Variants in RNF111 observed in about 807,000 individuals in gnomAD.
The protein encoded by RNF111 is E3 ubiquitin-protein ligase Arkadia.
RNF111 carries 17 observed loss-of-function variants against 95.1 expected under a neutral mutation model. The observed-to-expected ratio is 0.18, with a 90% CI of 0.12 to 0.27. RNF111 has a LOEUF of 0.27. Among genes scored for constraint, RNF111 ranks in the 10% least tolerant of loss-of-function variants. The pLI is 1.00. For synonymous variants in RNF111, 440 were observed against 414.8 expected (o/e 1.06, Z -0.74); for missense variants, 1,189 against 1,210.4 (o/e 0.98, Z 0.26).
rs779120974 is a variant in RNF111, at chr15:59,031,139, A to G, written c.317A>G (p.Gln106Arg). The G allele has an allele frequency of 6.2e-7, 1 of 1,614,178 alleles. No homozygotes were observed. The highest frequency in any genetic ancestry group is 8.5e-7 in the Non-Finnish European group (1 of 1,180,016). Residue 106 changes from glutamine (Q) to arginine (R), a missense_variant, in exon 2 of 14, where the codon CAG (glutamine) becomes CGG (arginine). Gln to Arg is a conservative substitution (Grantham distance 43). Around this residue, in one of 2 missense-constraint regions of RNF111, gnomAD observed 1,024 missense variants for 925.9 expected, o/e 1.11. Transcript: ENST00000348370. ...KSQQAGPSYV[Q>R]NCVKENQGIL... ...CAGCAGGCTGGCCCTTCGTATGTGC[A>G]GAATTGTGTTAAAGAAAACCAGGGA...
At chr15:59,000,940 G>T (rs2039299355) in intron 1 of RNF111, among the ~76,000 whole-genome samples, 1 of 152,108 alleles carries the variant, frequency 6.6e-6, no homozygotes, top group Admixed American at 6.6e-5. Context: ...AGTTGTAGAT[G>T]GTCATTGTGG....
At chr15:59,068,471 T>G (rs2042764592) in intron 6 of RNF111, among the ~76,000 whole-genome samples, 1 of 151,884 alleles carries the variant, frequency 6.6e-6, no homozygotes, top group Non-Finnish European at 1.5e-5. Flanking sequence ...CTGGGTGTGA[T>G]GGTGTGTGCC....
chr15:59,059,283 G>A (rs2042333203), intron 5 of RNF111, among the ~76,000 whole-genome samples: 1 of 152,188 alleles, frequency 6.6e-6, no homozygotes, highest in African/African-American at 2.4e-5. Flanking sequence ...TTAGGGAAAT[G>A]CAAATGAAAA....
chr15:59,010,565 CTAAT>C (rs2039753065), intron 1 of RNF111, among the ~76,000 whole-genome samples: 1 of 152,132 alleles, frequency 6.6e-6, no homozygotes, highest in African/African-American at 2.4e-5. Context: ...CCACACCTAA[CTAAT>C]TTTTATATTT....
At chr15:59,012,858 C>T (rs2039891110) in intron 1 of RNF111, among the ~76,000 whole-genome samples, 1 of 152,024 alleles carries the variant, frequency 6.6e-6, no homozygotes, top group Admixed American at 6.5e-5. Context: ...CCCACCTCAG[C>T]CTCCCAAGTA....
intron 10 of RNF111, among the ~76,000 whole-genome samples, chr15:59,087,413 G>C (rs2078929826): frequency 6.6e-6 from 1 of 152,152 alleles, no homozygotes; most frequent in African/African-American, 2.4e-5. Flanking sequence ...CCTCCTCACA[G>C]TCGAAAATCA....
In RNF111 at chr15:59,084,655, A is replaced by G. The variant is rs193060056; in HGVS notation, c.2423+401A>G. On this transcript the variant is annotated intron_variant, in intron 9 of 13. Transcript: ENST00000348370. Reference sequence around the variant, plus strand: ...AAATCTTTTGTCGCAGTTTTGAAATAAACGGTACGTTATTCTTCACTGTAG... The same window carrying G: ...AAATCTTTTGTCGCAGTTTTGAAATGAACGGTACGTTATTCTTCACTGTAG... 3.3e-5 allele frequency among the ~76,000 whole-genome samples: 5 copies of G among 152,190 alleles called. No homozygotes were observed. In the East Asian group the frequency reaches 9.6e-4, roughly 29 times the overall value.
chr15:58,994,230 G>C (rs2038945761), intron 1 of RNF111, among the ~76,000 whole-genome samples: 1 of 151,098 alleles, frequency 6.6e-6, no homozygotes, highest in East Asian at 1.9e-4. Flanking sequence ...GTAGAGATGG[G>C]GTTTCGCTAT....
chr15:59,089,558 T>C, intron 10 of RNF111, 109 bp from the exon 11 acceptor site: 3 of 816,514 alleles, frequency 3.7e-6, no homozygotes, highest in Non-Finnish European at 6.1e-6. Context: ...AGTCAAATTT[T>C]ATGAGCAGTT....
intron 8 of RNF111, among the ~76,000 whole-genome samples, chr15:59,081,668 T>C (rs1357892295): frequency 6.6e-6 from 1 of 151,952 alleles, no homozygotes; most frequent in Non-Finnish European, 1.5e-5. Flanking sequence ...AGCTGAGCTA[T>C]GACTGTGCCA....
At chr15:59,085,222 G>A (rs779507793) in intron 9 of RNF111, among the ~76,000 whole-genome samples, 9 of 152,174 alleles carry the variant, frequency 5.9e-5, no homozygotes, top group Non-Finnish European at 1.2e-4. Flanking sequence ...CTTTTATAAG[G>A]TGTAGAAGAG....
At chr15:58,999,193 C>T (rs2039219178) in intron 1 of RNF111, among the ~76,000 whole-genome samples, 1 of 152,180 alleles carries the variant, frequency 6.6e-6, no homozygotes, top group Admixed American at 6.5e-5. Flanking sequence ...AAATGGAATA[C>T]AGATGCAGAT....
intron 1 of RNF111, among the ~76,000 whole-genome samples, chr15:59,008,831 C>T (rs1165608539): frequency 6.6e-6 from 1 of 152,134 alleles, no homozygotes; most frequent in Non-Finnish European, 1.5e-5. Context: ...TTACACTATG[C>T]ATCTTTGTCA....
At chr15:59,003,362 C>T (rs2039407338) in intron 1 of RNF111, among the ~76,000 whole-genome samples, 1 of 152,020 alleles carries the variant, frequency 6.6e-6, no homozygotes, top group Non-Finnish European at 1.5e-5. Context: ...ACCTTGACCT[C>T]CCAAAGTTAT....
At chr15:59,033,971 G>A (rs756778600) in intron 2 of RNF111, among the ~76,000 whole-genome samples, 7 of 152,056 alleles carry the variant, frequency 4.6e-5, no homozygotes, top group Admixed American at 3.9e-4. Flanking sequence ...ACATTCACAC[G>A]ATATGGAATT....
At chr15:59,011,312 A>G (rs1404237958) in intron 1 of RNF111, among the ~76,000 whole-genome samples, 1 of 152,162 alleles carries the variant, frequency 6.6e-6, no homozygotes, top group African/African-American at 2.4e-5. Context: ...CTGCATTTTG[A>G]TTACCTAGTG....
At chr15:59,029,832 T>G (rs1276012140) in intron 1 of RNF111, among the ~76,000 whole-genome samples, 1 of 152,216 alleles carries the variant, frequency 6.6e-6, no homozygotes, top group African/African-American at 2.4e-5. Flanking sequence ...ATTTTTTTAG[T>G]GTTCATTCAT....
At chr15:59,028,448 T>TAAC (rs1221810978) in intron 1 of RNF111, among the ~76,000 whole-genome samples, 2 of 152,108 alleles carry the variant, frequency 1.3e-5, no homozygotes, top group African/African-American at 2.4e-5. Context: ...AATAAGAGAC[T>TAAC]AACAACAACA....
At chr15:59,063,469 G>C (rs2042526136) in intron 5 of RNF111, among the ~76,000 whole-genome samples, 1 of 152,172 alleles carries the variant, frequency 6.6e-6, no homozygotes, top group Non-Finnish European at 1.5e-5. Flanking sequence ...GGGTTGTGGA[G>C]TTAATTTCCC....
Sources: allele counts gnomAD v4.1 joint callset (sites outside exome capture counted in the v4.1 genomes callset), GRCh38; gene constraint gnomAD v4.1.1; regional missense constraint gnomAD v4.1.1; transcripts MANE v1.5; gene names NCBI Gene and HGNC (gene_info 2026-07-23, HGNC 2026-07-21).